The following NHSL1 variants were observed in gnomAD, a reference collection of about 807,000 sequenced individuals.
The protein encoded by NHSL1 is NHS-like protein 1.
NHSL1 carries 48 observed loss-of-function variants against 95.0 expected under a neutral mutation model. The observed-to-expected ratio is 0.51, with a 90% CI of 0.40 to 0.64. The LOEUF is 0.64. NHSL1 is among the 30% of genes least tolerant of loss of function. The pLI is 0.00. For missense variants in NHSL1, 1,971 were observed against 2,077.7 expected (o/e 0.95, Z 1.00); for synonymous variants, 783 against 833.9 (o/e 0.94, Z 1.05).
At chr6:138,546,427 CAAAAAAA>C (rs1177720465), upstream of NHSL1, among the ~76,000 whole-genome samples, 430 of 51,004 alleles carry the variant, frequency 8.4e-3, 6 homozygotes, top group African/African-American at 0.026. Context: ...CCCATCTCTA[CAAAAAAA>C]AAAAAAAAAA....
intron 1 of NHSL1, among the ~76,000 whole-genome samples, chr6:138,638,616 A>T (rs531412508): frequency 6.6e-6 from 1 of 152,338 alleles, no homozygotes; most frequent in South Asian, 2.1e-4. Context: ...AAAGAAAAAA[A>T]GAAACTTTCT....
intron 1 of NHSL1, among the ~76,000 whole-genome samples, chr6:138,666,702 T>C (rs928657128): frequency 1.3e-5 from 2 of 151,806 alleles, no homozygotes; most frequent in African/African-American, 4.8e-5. Flanking sequence ...TTATATATAA[T>C]ATGATCCCAG....
intron 1 of NHSL1, among the ~76,000 whole-genome samples, chr6:138,522,308 T>C (rs903705073): frequency 6.6e-6 from 1 of 152,188 alleles, no homozygotes; most frequent in African/African-American, 2.4e-5. Context: ...CAAAGAATGT[T>C]TGGAGCCTGG....
intron 7 of NHSL1, among the ~76,000 whole-genome samples, chr6:138,427,579 G>A (rs574155476): frequency 3.3e-5 from 5 of 152,008 alleles, no homozygotes; most frequent in Non-Finnish European, 2.9e-5. Context: ...ACACACACAC[G>A]AATATGTATT....
intron 1 of NHSL1, among the ~76,000 whole-genome samples, chr6:138,511,857 G>A (rs540533694): frequency 3.2e-4 from 49 of 152,144 alleles, no homozygotes; most frequent in Admixed American, 8.5e-4. Flanking sequence ...GCAGTGAGCC[G>A]AGATTGCTCC....
chr6:138,456,754 C>A (rs1253718043), intron 3 of NHSL1, among the ~76,000 whole-genome samples: 1 of 152,154 alleles, frequency 6.6e-6, no homozygotes, highest in Non-Finnish European at 1.5e-5. Context: ...ATGCAAGAAC[C>A]TCTTTGGCAG....
At chr6:138,619,832 C>T (rs750780061) in intron 1 of NHSL1, among the ~76,000 whole-genome samples, 46 of 151,522 alleles carry the variant, frequency 3.0e-4, no homozygotes, top group Admixed American at 7.9e-4. Flanking sequence ...CCTGTAGTCC[C>T]AGCTACTCTG....
intron 1 of NHSL1, among the ~76,000 whole-genome samples, chr6:138,602,366 A>G (rs2114565527): frequency 6.6e-6 from 1 of 152,174 alleles, no homozygotes; most frequent in East Asian, 1.9e-4. Context: ...GTTTTGAGAC[A>G]GAGTCTCACT....
chr6:138,459,744 TA>T (rs1365671899), intron 3 of NHSL1, among the ~76,000 whole-genome samples: 1 of 152,204 alleles, frequency 6.6e-6, no homozygotes, highest in African/African-American at 2.4e-5. Context: ...AGTTCTGCTA[TA>T]TTTTTTTAAA....
At chr6:138,495,686 C>G (rs1780306332) in intron 2 of NHSL1, among the ~76,000 whole-genome samples, 1 of 152,088 alleles carries the variant, frequency 6.6e-6, no homozygotes, top group Non-Finnish European at 1.5e-5. Flanking sequence ...CTGCAGAGAC[C>G]AGAACATCTT....
At chr6:138,585,387 T>C (rs1243389433) in intron 1 of NHSL1, among the ~76,000 whole-genome samples, 1 of 152,196 alleles carries the variant, frequency 6.6e-6, no homozygotes, top group East Asian at 1.9e-4. Flanking sequence ...TTTCACCTAC[T>C]TGTGAGGCAT....
At chr6:138,505,102 T>TCA (rs1780891704) in intron 1 of NHSL1, among the ~76,000 whole-genome samples, 1 of 92,010 alleles carries the variant, frequency 1.1e-5, no homozygotes, top group Admixed American at 1.2e-4. Flanking sequence ...CTTCTAGAAC[T>TCA]CAGACATAGC....
chr6:138,593,848 A>G (rs1784266082), intron 1 of NHSL1, among the ~76,000 whole-genome samples: 5 of 152,224 alleles, frequency 3.3e-5, no homozygotes, highest in Admixed American at 3.3e-4. Context: ...AACTTCAAAG[A>G]GGATTTTAAA....
At chr6:138,642,922 T>C (rs1784975227) in intron 1 of NHSL1, among the ~76,000 whole-genome samples, 1 of 152,236 alleles carries the variant, frequency 6.6e-6, no homozygotes, top group African/African-American at 2.4e-5. Flanking sequence ...TATTTCACTC[T>C]AAGATTCCTT....
At chr6:138,604,432 G>A (rs73564400) in intron 1 of NHSL1, among the ~76,000 whole-genome samples, 3,562 of 152,178 alleles carry the variant, frequency 0.023, 133 homozygotes, top group African/African-American at 0.082. Flanking sequence ...AAAATCCACA[G>A]CTTAGGGTTA....
At chr6:138,479,048 C>T (rs1461718710) in intron 2 of NHSL1, among the ~76,000 whole-genome samples, 1 of 152,134 alleles carries the variant, frequency 6.6e-6, no homozygotes, top group East Asian at 1.9e-4. Flanking sequence ...ATATAGTAGT[C>T]CCTGACTTAT....
rs1288540768 is a variant in NHSL1 at position 138,650,710 on chromosome 6, G to A, written c.96+41766C>T. The stretch of plus-strand genomic sequence containing the variant: ...ACATGCAGGGGGTGGGTCAACATGC[G>A]GGACACGCACTGCATCATTATCCCA... On this transcript the variant is annotated intron_variant, in intron 1 of 3. Coordinates refer to the NHSL1 transcript ENST00000491526. 5 of 548,212 alleles carry A rather than the reference G, an allele frequency of 9.1e-6. No individual in the cohort carries two copies. The East Asian group carries it at 1.5e-4, about 16-fold the overall frequency. 34.0% of individuals were successfully genotyped at this position (548,212 alleles called of 1,614,324 possible). A position where few individuals can be genotyped will look rare whatever the true frequency, so the allele number is the denominator to read the frequency against.
At chr6:138,645,059 C>T (rs763638192) in intron 1 of NHSL1, among the ~76,000 whole-genome samples, 1 of 152,200 alleles carries the variant, frequency 6.6e-6, no homozygotes, top group Non-Finnish European at 1.5e-5. Context: ...TGTGTGTAAA[C>T]CTTTAAAACC....
intron 1 of NHSL1, among the ~76,000 whole-genome samples, chr6:138,592,867 C>T (rs1262095078): frequency 2.0e-5 from 3 of 152,116 alleles, no homozygotes; most frequent in Non-Finnish European, 4.4e-5. Flanking sequence ...TAACCTTTCT[C>T]CAAAAGCATC....
Sources: allele counts gnomAD v4.1 joint callset (sites outside exome capture counted in the v4.1 genomes callset), GRCh38; gene constraint gnomAD v4.1.1; transcripts MANE v1.5; gene names NCBI Gene and HGNC (gene_info 2026-07-23, HGNC 2026-07-21).